TMEM232: variants seen among roughly 807,000 people sequenced by gnomAD.
TMEM232 encodes the protein transmembrane protein 232.
Under a neutral mutation model 78.8 loss-of-function variants are expected in TMEM232, and 80 were observed. The observed-to-expected ratio is 1.01, with a 90% CI of 0.85 to 1.22. TMEM232 has a LOEUF of 1.22. Among genes scored for constraint, TMEM232 ranks in the 50% most tolerant of loss-of-function variants. TMEM232 has a pLI of 0.00. For synonymous variants in TMEM232, 297 were observed against 254.3 expected (o/e 1.17, Z -1.60); for missense variants, 881 against 742.2 (o/e 1.19, Z -2.17).
upstream of TMEM232, chr5:110,738,921 C>A: frequency 7.2e-7 from 1 of 1,392,162 alleles, no homozygotes; most frequent in Non-Finnish European, 9.4e-7. Flanking sequence ...GTCTCCCTAG[C>A]AACCGTGCCC....
chr5:110,485,575 C>G (rs1364981149), intron 12 of TMEM232, among the ~76,000 whole-genome samples: 4 of 152,250 alleles, frequency 2.6e-5, no homozygotes, highest in African/African-American at 7.2e-5. Context: ...TTTTACATTC[C>G]TGAGTTGCTT....
chr5:110,571,670 T>G (rs996717637), intron 10 of TMEM232, among the ~76,000 whole-genome samples: 1 of 151,040 alleles, frequency 6.6e-6, no homozygotes, highest in Non-Finnish European at 1.5e-5. Context: ...TAGTTGTTTT[T>G]TTTGTTTGTT....
At chr5:110,433,939 T>A (rs1018266841) in intron 12 of TMEM232, among the ~76,000 whole-genome samples, 1 of 152,104 alleles carries the variant, frequency 6.6e-6, no homozygotes, top group Non-Finnish European at 1.5e-5. Flanking sequence ...CCTGTAGTTT[T>A]CTTTTTCTGT....
intron 2 of TMEM232, among the ~76,000 whole-genome samples, chr5:110,404,784 G>A (rs891506440): frequency 2.4e-4 from 37 of 152,058 alleles, no homozygotes; most frequent in African/African-American, 8.4e-4. Flanking sequence ...CCTAGTTAGA[G>A]TACCATGGCA....
intron 2 of TMEM232, among the ~76,000 whole-genome samples, chr5:110,655,573 C>T (rs10052055): frequency 0.97 from 136,564 of 140,324 alleles, 66,541 homozygotes; most frequent in Non-Finnish European, 1. Flanking sequence ...CCCAAAGGAC[C>T]ATAAATCATG....
At chr5:110,393,554 T>G (rs904647362) in intron 3 of TMEM232, among the ~76,000 whole-genome samples, 1 of 152,236 alleles carries the variant, frequency 6.6e-6, no homozygotes, top group South Asian at 2.1e-4. Flanking sequence ...AGATAGCATA[T>G]AATTGAAACT....
intron 1 of TMEM232, chr5:110,720,433 C>T (rs1797476976): frequency 6.6e-6 from 1 of 152,072 alleles, no homozygotes; most frequent in South Asian, 2.1e-4. Context: ...TGGCAGACTG[C>T]CCCTACTAAT....
At chr5:110,420,806 A>G (rs1207701391) in intron 13 of TMEM232, 50 bp from the exon 14 acceptor site, 8 of 1,481,508 alleles carry the variant, frequency 5.4e-6, no homozygotes, top group East Asian at 2.6e-5. Flanking sequence ...GAAAAAATGC[A>G]TATCAGTTTA....
chr5:110,560,530 G>T (rs1775616279), intron 11 of TMEM232, among the ~76,000 whole-genome samples: 1 of 151,972 alleles, frequency 6.6e-6, no homozygotes, highest in African/African-American at 2.4e-5. Flanking sequence ...AGCAACAAAA[G>T]TAGTGTTGAC....
At chr5:110,702,282 G>A (rs567854653) in intron 1 of TMEM232, among the ~76,000 whole-genome samples, 1 of 152,150 alleles carries the variant, frequency 6.6e-6, no homozygotes, top group South Asian at 2.1e-4. Context: ...CAAAACCATG[G>A]AGGACAGTAT....
At chr5:110,396,371 T>C (rs1755388525) in intron 3 of TMEM232, among the ~76,000 whole-genome samples, 1 of 152,126 alleles carries the variant, frequency 6.6e-6, no homozygotes, top group South Asian at 2.1e-4. Context: ...TTTACCTATA[T>C]AGATATTCAC....
intron 10 of TMEM232, among the ~76,000 whole-genome samples, chr5:110,587,110 T>A (rs543627782): frequency 6.6e-6 from 1 of 152,138 alleles, no homozygotes; most frequent in East Asian, 1.9e-4. Flanking sequence ...CCATTTTAAA[T>A]AAGGACAGAA....
intron 12 of TMEM232, among the ~76,000 whole-genome samples, chr5:110,447,714 G>A (rs1394104941): frequency 6.6e-6 from 1 of 152,014 alleles, no homozygotes; most frequent in Admixed American, 6.6e-5. Context: ...GAATAGAAAA[G>A]TCAGAGGAAA....
At chr5:110,522,401 T>G (rs1769668400) in intron 12 of TMEM232, among the ~76,000 whole-genome samples, 1 of 152,170 alleles carries the variant, frequency 6.6e-6, no homozygotes, top group Admixed American at 6.5e-5. Context: ...CTGATATGGA[T>G]GCCTTTTATT....
In TMEM232 at chr5:110,619,958, G is replaced by A. The variant is rs115399014; in HGVS notation, c.769-1396C>T. ...TAAAACAAGAATAAAAAAAAACTTC[G>A]GAGTGACTCGAATGGTTAATTTATA... On this transcript the variant is annotated intron_variant, in intron 7 of 13. Transcript: ENST00000455884. Among the ~76,000 whole-genome samples the A allele has an allele frequency of 9.3e-3, 1,416 of 151,666 alleles. 20 individuals carry two copies. The highest frequency in any genetic ancestry group is 0.032 in the African/African-American group (1,313 of 41,428).
intron 12 of TMEM232, among the ~76,000 whole-genome samples, chr5:110,457,636 C>G (rs2149348220): frequency 6.6e-6 from 1 of 152,052 alleles, no homozygotes; most frequent in Non-Finnish European, 1.5e-5. Context: ...CCTAGTATAT[C>G]TATATAATTA....
intron 2 of TMEM232, among the ~76,000 whole-genome samples, chr5:110,647,622 T>C (rs1561449067): frequency 6.6e-6 from 1 of 151,958 alleles, no homozygotes; most frequent in Non-Finnish European, 1.5e-5. Context: ...GAATTATATT[T>C]TTGGGATTTT....
chr5:110,707,221 A>G (rs1216527316), intron 1 of TMEM232, among the ~76,000 whole-genome samples: 1 of 152,216 alleles, frequency 6.6e-6, no homozygotes, highest in African/African-American at 2.4e-5. Flanking sequence ...CCTGATTTTA[A>G]CTTCATATTA....
At chr5:110,597,177 C>T (rs1780274683) in intron 10 of TMEM232, among the ~76,000 whole-genome samples, 1 of 152,118 alleles carries the variant, frequency 6.6e-6, no homozygotes, top group African/African-American at 2.4e-5. Context: ...TCTCAGGATA[C>T]AATATCAATG....
Sources: allele counts gnomAD v4.1 joint callset (sites outside exome capture counted in the v4.1 genomes callset), GRCh38; gene constraint gnomAD v4.1.1; transcripts MANE v1.5; gene names NCBI Gene and HGNC (gene_info 2026-07-23, HGNC 2026-07-21).